C6: variants seen among roughly 807,000 people sequenced by gnomAD.
C6 encodes complement C6.
C6 carries 101 observed loss-of-function variants against 112.9 expected under a neutral mutation model. That is an observed-to-expected ratio of 0.89 (90% CI 0.76 to 1.06). The LOEUF is 1.06. Ranked by LOEUF, C6 falls within the 50% of genes least tolerant of loss-of-function variation. C6 has a pLI of 0.00. For missense variants in C6, 1,202 were observed against 1,104.6 expected (o/e 1.09, Z -1.25); for synonymous variants, 431 against 384.1 (o/e 1.12, Z -1.43).
At chr5:41,159,554 G>T in intron 11 of C6, 1 of 555,696 alleles carries the variant, frequency 1.8e-6, no homozygotes, top group Non-Finnish European at 2.3e-6. Context: ...TTAAAAATGT[G>T]CACTCATATG....
chr5:41,157,578 G>C (rs766381140), intron 13 of C6, among the ~76,000 whole-genome samples: 5 of 151,946 alleles, frequency 3.3e-5, no homozygotes, highest in Non-Finnish European at 7.4e-5. Flanking sequence ...TTTTTTTTAA[G>C]TGGCAGGTCA....
intron 1 of C6, among the ~76,000 whole-genome samples, chr5:41,235,380 T>C (rs2150418195): frequency 6.8e-6 from 1 of 146,134 alleles, no homozygotes; most frequent in South Asian, 2.2e-4. Flanking sequence ...TCCAATTTCA[T>C]CCATGTCCCT....
At chr5:41,232,634 G>A (rs1015699254) in intron 1 of C6, among the ~76,000 whole-genome samples, 2 of 151,850 alleles carry the variant, frequency 1.3e-5, no homozygotes, top group African/African-American at 4.8e-5. Context: ...GTTTTCTTAG[G>A]CATTTGGAAA....
chr5:41,167,205 C>T (rs1748052418), intron 9 of C6, among the ~76,000 whole-genome samples: 1 of 151,986 alleles, frequency 6.6e-6, no homozygotes, highest in Non-Finnish European at 1.5e-5. Context: ...TTTTATAAAT[C>T]TAGCAAAAAT....
intron 1 of C6, among the ~76,000 whole-genome samples, chr5:41,243,226 T>G (rs1740835029): frequency 6.6e-6 from 1 of 152,250 alleles, no homozygotes; most frequent in African/African-American, 2.4e-5. Context: ...TTGATTTAAT[T>G]ATTCCACATT....
rs185655988 is a variant in C6, at chr5:41,205,787, C to G, written c.-20-2537G>C. Reference sequence around the variant, plus strand: ...CTGCCTGCCTCTGTAGACTCCACCTCTGGGGGCAGGCATAGCTGAACAAAA... The same window carrying G: ...CTGCCTGCCTCTGTAGACTCCACCTGTGGGGGCAGGCATAGCTGAACAAAA... On this transcript the variant is annotated intron_variant, in intron 1 of 17. Transcript: ENST00000337836. 1.9e-3 allele frequency among the ~76,000 whole-genome samples: 289 copies of G among 152,348 alleles called. 1 individual carries two copies. The highest frequency in any genetic ancestry group is 6.3e-3 in the African/African-American group (260 of 41,590).
chr5:41,251,952 C>A (rs1464963696), intron 1 of C6, among the ~76,000 whole-genome samples: 1 of 152,136 alleles, frequency 6.6e-6, no homozygotes, highest in Non-Finnish European at 1.5e-5. Flanking sequence ...GCATGAAACT[C>A]AAGGAGAGAG....
At position 41,160,291 on chromosome 5, in the gene C6, T is replaced by A; in HGVS notation, c.1535A>T (p.Gln512Leu). The change falls in exon 11 of 18, where the codon CAA (glutamine) becomes CTA (leucine). Residue 512 changes from glutamine (Q) to leucine (L), a missense_variant. Coordinates refer to ENST00000337836, the MANE Select transcript of C6 (RefSeq NM_000065.5). ...AGGATCGAACTTGGCTGCATACTCTTGCAAAGCTTTCCTGAGGTTGTTCCG... is the reference window on the plus strand; with the variant it reads ...AGGATCGAACTTGGCTGCATACTCTAGCAAAGCTTTCCTGAGGTTGTTCCG... ...TKRNNLRKAL[Q>L]EYAAKFDPCQ... The A allele has an allele frequency of 6.2e-7, 1 of 1,613,908 alleles. No homozygotes were observed. Among genetic ancestry groups the A allele is most frequent in the Non-Finnish European group, 8.5e-7 (1 of 1,179,866 alleles).
intron 17 of C6, among the ~76,000 whole-genome samples, chr5:41,148,757 C>T (rs73750294): frequency 0.034 from 5,153 of 152,206 alleles, 315 homozygotes; most frequent in African/African-American, 0.12. Flanking sequence ...GGTGTCCTGC[C>T]TGAATAGTAT....
chr5:41,168,775 A>G (rs932306561), intron 9 of C6, among the ~76,000 whole-genome samples: 2 of 152,134 alleles, frequency 1.3e-5, no homozygotes, highest in African/African-American at 4.8e-5. Flanking sequence ...TTATGTTGAT[A>G]AATAAAGTTT....
chr5:41,256,441 A>AT (rs1313560164), intron 1 of C6, among the ~76,000 whole-genome samples: 15 of 88,238 alleles, frequency 1.7e-4, no homozygotes, highest in Non-Finnish European at 3.4e-4. Flanking sequence ...AAAAAAAAAA[A>AT]GTAAAAAAAA....
Position 41,195,873 on chromosome 5 carries a change from T to C in C6, c.506A>G (p.Asp169Gly), listed in dbSNP as rs1370762406. 5.0e-6 allele frequency: 8 copies of C among 1,614,076 alleles called. No individual in the cohort carries two copies. The highest frequency in any genetic ancestry group is 6.8e-6 in the Non-Finnish European group (8 of 1,179,948). ...CTTTGTCCTCCCACAGTCCCTTTCATCTGAATTGTCTCCACAGTCATTTTC... is the reference window on the plus strand; with the variant it reads ...CTTTGTCCTCCCACAGTCCCTTTCACCTGAATTGTCTCCACAGTCATTTTC... ...NGENDCGDNS[D>G]ERDCGRTKAV... The change falls in exon 5 of 18, where the codon GAT becomes GGT. Residue 169 changes from aspartate to glycine, a missense_variant. By Grantham distance (94) the Asp-to-Gly change is moderately conservative. Coordinates refer to ENST00000337836, the MANE Select transcript of C6 (RefSeq NM_000065.5).
At chr5:41,151,822 C>T (rs992151177) in intron 15 of C6, among the ~76,000 whole-genome samples, 1 of 149,734 alleles carries the variant, frequency 6.7e-6, no homozygotes, top group Non-Finnish European at 1.5e-5. Flanking sequence ...AGAAGGTCAA[C>T]ATTGCTGAAG....
chr5:41,159,602 T>A, intron 11 of C6: 1 of 280,084 alleles, frequency 3.6e-6, no homozygotes. Context: ...GAATGCATAT[T>A]AAATTACACT....
chr5:41,179,079 C>G (rs1196705572), intron 7 of C6, among the ~76,000 whole-genome samples: 1 of 152,078 alleles, frequency 6.6e-6, no homozygotes, highest in Non-Finnish European at 1.5e-5. Context: ...GTCTTGAACT[C>G]CTGAGCTCAG....
intron 17 of C6, among the ~76,000 whole-genome samples, chr5:41,143,575 T>G (rs1339265648): frequency 6.6e-6 from 1 of 152,218 alleles, no homozygotes; most frequent in Non-Finnish European, 1.5e-5. Context: ...TTTTGAACCC[T>G]TACAGCAAAC....
intron 7 of C6, among the ~76,000 whole-genome samples, chr5:41,177,008 C>T (rs1748914673): frequency 1.3e-5 from 2 of 152,174 alleles, no homozygotes; most frequent in South Asian, 4.1e-4. Flanking sequence ...TCTTTCTCTC[C>T]TGATTGCCAA....
intron 9 of C6, among the ~76,000 whole-genome samples, chr5:41,171,639 A>C (rs1376946699): frequency 2.6e-5 from 4 of 152,168 alleles, no homozygotes; most frequent in Non-Finnish European, 1.5e-5. Flanking sequence ...GCAGTGGCTA[A>C]AATTGGGAAG....
intron 1 of C6, among the ~76,000 whole-genome samples, chr5:41,249,122 A>C (rs1741190997): frequency 6.6e-6 from 1 of 152,196 alleles, no homozygotes; most frequent in Non-Finnish European, 1.5e-5. Context: ...ATGTACATAA[A>C]GATGGAAACA....
Sources: gnomAD v4.1 joint callset for allele counts (sites outside exome capture counted in the v4.1 genomes callset) on GRCh38, gnomAD v4.1.1 for gene constraint, MANE v1.5 for transcripts, NCBI Gene and HGNC (gene_info 2026-07-23, HGNC 2026-07-21) for gene names.